CEP78: variants seen among roughly 807,000 people sequenced by gnomAD.
CEP78 encodes the protein centrosomal protein of 78 kDa.
CEP78 carries 76 observed loss-of-function variants against 81.2 expected under a neutral mutation model. That is an observed-to-expected ratio of 0.94 (90% CI 0.78 to 1.13). The LOEUF (loss-of-function observed/expected upper bound fraction) is 1.13, where lower values mean the gene tolerates loss of function less well. CEP78 is among the 50% of genes most tolerant of loss of function. CEP78 has a pLI of 0.00. For synonymous variants in CEP78, 293 were observed against 301.4 expected, an observed-to-expected ratio of 0.97 and a Z score of 0.29; for missense variants, 918 against 846.8, an observed-to-expected ratio of 1.08 and a Z score of -1.04.
chr9:78,276,130 A>T lies in CEP78; in HGVS notation c.*5279A>T, dbSNP rs541353297. ...CAATTAATGTAGGTGCAAAAAATCC[A>T]AAATAAAACTAGCAGTTTGAATTCA... On this transcript the variant is annotated 3_prime_UTR_variant, in exon 17 of 17. Transcript: ENST00000643273. The T allele has an allele frequency of 6.6e-6, 1 of 152,340 alleles. No homozygotes were observed. The highest frequency in any genetic ancestry group is 2.1e-4 in the South Asian group (1 of 4,832). 9.4% of individuals were successfully genotyped at this position (152,340 alleles called of 1,614,324 possible).
intron 12 of CEP78, among the ~76,000 whole-genome samples, chr9:78,263,314 G>T (rs1827362686): frequency 6.6e-6 from 1 of 151,948 alleles, no homozygotes; most frequent in African/African-American, 2.4e-5. Flanking sequence ...TAAAAGATGG[G>T]GATGAGACTA....
intron 6 of CEP78, among the ~76,000 whole-genome samples, chr9:78,247,765 G>A (rs1160474752): frequency 2.6e-5 from 4 of 152,184 alleles, no homozygotes; most frequent in African/African-American, 9.7e-5. Context: ...AGGGTGGAAG[G>A]TTGGAGGTGG....
In CEP78 at chr9:78,273,073, AT is replaced by A. The variant is rs1827727853; in HGVS notation, c.*2227del. ...AAACTACCTGGAAAGAGGGAATGGA[AT>A]TTTTAGGTCCAACAAGACGGGAAAG... is the stretch of plus-strand genomic sequence containing the variant. On this transcript the variant is annotated 3_prime_UTR_variant, in exon 17 of 17. Transcript: ENST00000643273. 6.6e-6 allele frequency: 1 copy of A among 152,190 alleles called. No homozygotes were observed. Among genetic ancestry groups the A allele is most frequent in the African/African-American group, 2.4e-5 (1 of 41,440 alleles). The allele number at this position is 152,190 out of a possible 1,614,324, so 9.4% of individuals were successfully genotyped here.
In CEP78 at chr9:78,266,603, T is replaced by C. The variant is rs57666183; in HGVS notation, c.2007T>C (p.Cys669=). ...TTGAAGGATTCATTGCTAGAATGTG[T>C]TCTCCTTCACCAGATGCGACTTCTG... ...ESFEGFIARM[C]SPSPDATSGT... The change falls in exon 16 of 17, where the codon TGT becomes TGC. Residue 669 remains cysteine (C), a synonymous_variant. Coordinates refer to ENST00000643273, the MANE Select transcript of CEP78 (RefSeq NM_001330691.3). The C allele has an allele frequency of 3.6e-3, 5,844 of 1,613,602 alleles. 169 individuals carry two copies. In the African/African-American group the frequency reaches 0.066, roughly 18 times the overall value.
At position 78,265,532 on chromosome 9, in the gene CEP78, C is replaced by A; in HGVS notation, c.1786C>A (p.Gln596Lys). ...EPKQNALGQM[Q>K]NIQVSICMQS... ...GAAGCAGAATGCCCTAGGGCAAATGCAAAATATCCAGGTAAATGAATAGAA... is the reference window on the plus strand; with the variant it reads ...GAAGCAGAATGCCCTAGGGCAAATGAAAAATATCCAGGTAAATGAATAGAA... The change falls in exon 14 of 17, where the codon CAA becomes AAA. Residue 596 changes from glutamine to lysine, a missense_variant. By Grantham distance (53) the Gln-to-Lys change is moderately conservative (BLOSUM62 1). Coordinates refer to ENST00000643273, the MANE Select transcript of CEP78 (RefSeq NM_001330691.3). The A allele has an allele frequency of 6.4e-7, 1 of 1,566,184 alleles. No individual in the cohort carries two copies. The highest frequency in any genetic ancestry group is 8.7e-7 in the Non-Finnish European group (1 of 1,155,376).
chr9:78,264,393 T>G, intron 13 of CEP78, 77 bp downstream of exon 13: 1 of 1,197,038 alleles, frequency 8.4e-7, no homozygotes, highest in East Asian at 2.4e-5. Flanking sequence ...GAGCAATTTT[T>G]ATAGCTTTCT....
Position 78,240,052 on chromosome 9 carries a change from C to A in CEP78, c.283C>A (p.Arg95Ser). Residue 95 changes from arginine to serine, a missense_variant, in exon 2 of 17, where the codon CGT becomes AGT. Physicochemically the swap from Arg to Ser is moderately radical, Grantham distance 110. Coordinates refer to ENST00000643273, the MANE Select transcript of CEP78 (RefSeq NM_001330691.3). ...TGACATGAATAAATTTTGCAGAAGT[C>A]GTGTTCCTGCGATAAGATACAAAGA... ...GSDMNKFCRSRVPAIRYKDVT... is the reference protein window; with the variant it reads ...GSDMNKFCRSSVPAIRYKDVT... The A allele has an allele frequency of 6.3e-7, 1 of 1,581,102 alleles. No individual in the cohort carries two copies. The highest frequency in any genetic ancestry group is 1.2e-5 in the South Asian group (1 of 84,088).
chr9:78,251,307 A>T (rs1276758250), intron 8 of CEP78, among the ~76,000 whole-genome samples: 1 of 152,222 alleles, frequency 6.6e-6, no homozygotes, highest in Admixed American at 6.5e-5. Context: ...CTCACCTACT[A>T]CCCAGCTACC....
At chr9:78,245,797 C>G (rs1430159888) in intron 5 of CEP78, among the ~76,000 whole-genome samples, 2 of 152,140 alleles carry the variant, frequency 1.3e-5, no homozygotes, top group African/African-American at 4.8e-5. Context: ...AGTATATAAT[C>G]TCTATAATCT....
At chr9:78,269,537 A>G (rs937332757) in intron 16 of CEP78, among the ~76,000 whole-genome samples, 1 of 152,250 alleles carries the variant, frequency 6.6e-6, no homozygotes, top group African/African-American at 2.4e-5. Context: ...AAGCAAAGAA[A>G]GGATTCTGAG....
rs1327489073 is a variant in CEP78 at position 78,277,409 on chromosome 9, A to G, written c.*6558A>G. 1 of 152,038 alleles carries G rather than the reference A, an allele frequency of 6.6e-6. No individual in the cohort carries two copies. The highest frequency in any genetic ancestry group is 1.5e-5 in the Non-Finnish European group (1 of 67,884). The allele number at this position is 152,038 out of a possible 1,614,324, so 9.4% of individuals were successfully genotyped here. On this transcript the variant is annotated 3_prime_UTR_variant, in exon 17 of 17. Coordinates refer to ENST00000643273, the MANE Select transcript of CEP78 (RefSeq NM_001330691.3). ...AATAGAACAGAAGATTTAAGATAATATAAAGAGCACCTACAAACAACAAAA... is the reference window on the plus strand; with the variant it reads ...AATAGAACAGAAGATTTAAGATAATGTAAAGAGCACCTACAAACAACAAAA...
intron 8 of CEP78, 21 bp from the exon 9 acceptor site, chr9:78,251,886 CT>C: frequency 6.3e-7 from 1 of 1,592,710 alleles, no homozygotes; most frequent in Non-Finnish European, 8.6e-7. Context: ...TTGATTCTTT[CT>C]TTTTAACACT....
rs1469764139 is a variant in CEP78, at chr9:78,274,050, G to A, written c.*3199G>A. 1 of 152,254 alleles carries A rather than the reference G, an allele frequency of 6.6e-6. No homozygotes were observed. The highest frequency in any genetic ancestry group is 1.5e-5 in the Non-Finnish European group (1 of 68,046). The allele number at this position is 152,254 out of a possible 1,614,324, so 9.4% of individuals were successfully genotyped here. ...GCAGTCCCACTCCTGGGTATTTAGA[G>A]AGATGAAAACTTAGTTCACACAAAA... On this transcript the variant is annotated 3_prime_UTR_variant, in exon 17 of 17. Coordinates refer to ENST00000643273, the MANE Select transcript of CEP78 (RefSeq NM_001330691.3).
At chr9:78,258,579 T>C (rs1827141044) in intron 11 of CEP78, among the ~76,000 whole-genome samples, 1 of 152,146 alleles carries the variant, frequency 6.6e-6, no homozygotes, top group Non-Finnish European at 1.5e-5. Flanking sequence ...AGTAAGTAAA[T>C]AAGTAAGAAT....
intron 4 of CEP78, among the ~76,000 whole-genome samples, chr9:78,243,257 T>C (rs2118164553): frequency 6.6e-6 from 1 of 152,308 alleles, no homozygotes; most frequent in Middle Eastern, 3.4e-3. Context: ...TAGGGTCACA[T>C]AGCTAGTCAG....
intron 12 of CEP78, among the ~76,000 whole-genome samples, chr9:78,263,546 A>G (rs1375281887): frequency 6.6e-6 from 1 of 152,192 alleles, no homozygotes; most frequent in East Asian, 1.9e-4. Context: ...TTTGAAAGAC[A>G]GTTAATCATT....
At chr9:78,240,589 A>G (rs967170205) in intron 3 of CEP78, among the ~76,000 whole-genome samples, 1 of 152,148 alleles carries the variant, frequency 6.6e-6, no homozygotes, top group Non-Finnish European at 1.5e-5. Flanking sequence ...AATATATACC[A>G]TCTGGTATTC....
rs1229209649 is a variant in CEP78 at position 78,272,905 on chromosome 9, A to ATAT, written c.*2055_*2057dup. On this transcript the variant is annotated 3_prime_UTR_variant, in exon 17 of 17. Transcript: ENST00000643273. ...CTTAAAGCTTCTGTCTAGATGTGAC[A>ATAT]TATGTCACTTCTGTTCACATTTCTT... 6.6e-6 allele frequency: 1 copy of ATAT among 152,224 alleles called. No individual in the cohort carries two copies. Among genetic ancestry groups the ATAT allele is most frequent in the Non-Finnish European group, 1.5e-5 (1 of 68,040 alleles). 9.4% of individuals were successfully genotyped at this position (152,224 alleles called of 1,614,324 possible).
At position 78,272,024 on chromosome 9, in the gene CEP78, C is replaced by A. The variant is rs1827703068; in HGVS notation, c.*1173C>A. 6.6e-6 allele frequency: 1 copy of A among 152,108 alleles called. No homozygotes were observed. The highest frequency in any genetic ancestry group is 1.5e-5 in the Non-Finnish European group (1 of 68,120). The allele number at this position is 152,108 out of a possible 1,614,324, so 9.4% of individuals were successfully genotyped here. A position where few individuals can be genotyped will look rare whatever the true frequency, so the allele number is the denominator to read the frequency against. On this transcript the variant is annotated 3_prime_UTR_variant, in exon 17 of 17. Transcript: ENST00000643273. ...CAGCTCACTGCAACCGTGAAGTGAT[C>A]TTCCTGCCTCAGCCCCCCTAGTAAC...
Sources: allele counts gnomAD v4.1 joint callset (sites outside exome capture counted in the v4.1 genomes callset), GRCh38; gene constraint gnomAD v4.1.1; transcripts MANE v1.5; gene names NCBI Gene and HGNC (gene_info 2026-07-23, HGNC 2026-07-21).